HIC2: variants seen among roughly 807,000 people sequenced by gnomAD.
HIC2 encodes HIC ZBTB transcriptional repressor 2.
In HIC2, 2 loss-of-function variants were observed where a neutral mutation model predicts 39.5. The observed-to-expected ratio is 0.05, with a 90% CI of 0.02 to 0.16. HIC2 has a LOEUF of 0.16. Ranked by LOEUF, HIC2 falls within the 10% of genes least tolerant of loss-of-function variation. HIC2 has a pLI of 1.00. For synonymous variants in HIC2, 399 were observed against 368.8 expected (o/e 1.08, Z -0.94); for missense variants, 713 against 863.5 (o/e 0.83, Z 2.18).
chr22:21,444,331 T>C (rs1477315171), intron 2 of HIC2, among the ~76,000 whole-genome samples: 6 of 152,116 alleles, frequency 3.9e-5, no homozygotes, highest in Admixed American at 2.0e-4. Context: ...CCGCCCAGAG[T>C]GCGAGGCAGC....
rs775412555 is a variant in HIC2, at chr22:21,445,439, C to T, written c.544C>T (p.Arg182Cys). The change falls in exon 3 of 3, where the codon CGC becomes TGC. Residue 182 changes from arginine (R) to cysteine (C), a missense_variant. Transcript: ENST00000407464. Reference sequence around the variant, plus strand: ...TCGGTATCAGGGGCTCGTGGATGGGCGCAAGGGGGCCCACGCCCCCCAGGA... The same window carrying T: ...TCGGTATCAGGGGCTCGTGGATGGGTGCAAGGGGGCCCACGCCCCCCAGGA... ...QARYQGLVDG[R>C]KGAHAPQELP... 19 of 1,530,956 alleles carry T rather than the reference C, an allele frequency of 1.2e-5. No homozygotes were observed. The East Asian group carries it at 1.6e-4, about 13-fold the overall frequency. 94.8% of individuals were successfully genotyped at this position (1,530,956 alleles called of 1,614,324 possible).
At position 21,449,107 on chromosome 22, in the gene HIC2, A is replaced by G. The variant is rs1924024836; in HGVS notation, c.*2364A>G. ...GACATAGTATTGTATCCACCTTAGTATTGTATCGAGCCTTTTCTGTGTTTT... is the reference window on the plus strand; with the variant it reads ...GACATAGTATTGTATCCACCTTAGTGTTGTATCGAGCCTTTTCTGTGTTTT... On this transcript the variant is annotated 3_prime_UTR_variant, in exon 3 of 3. Transcript: ENST00000407464. 6.6e-6 allele frequency: 1 copy of G among 152,582 alleles called. No individual in the cohort carries two copies. The highest frequency in any genetic ancestry group is 1.5e-5 in the Non-Finnish European group (1 of 68,034). The allele number at this position is 152,582 out of a possible 1,614,324, so 9.5% of individuals were successfully genotyped here. A position where few individuals can be genotyped will look rare whatever the true frequency, so the allele number is the denominator to read the frequency against.
chr22:21,446,644 C>T lies in HIC2; in HGVS notation c.1749C>T (p.His583=). The T allele has an allele frequency of 6.2e-7, 1 of 1,613,896 alleles. No individual in the cohort carries two copies. The highest frequency in any genetic ancestry group is 8.5e-7 in the Non-Finnish European group (1 of 1,180,022). The change falls in exon 3 of 3, where the codon CAC becomes CAT. Residue 583 remains histidine (H), a synonymous_variant. Transcript: ENST00000407464. ...GCCTCACGGAGCACATGCGTGTGCA[C>T]TCGGGCGAGAAACCTTACGAGTGCC... ...QYRLTEHMRV[H]SGEKPYECQL...
In HIC2 at chr22:21,446,524, G is replaced by A. The variant is rs41282575; in HGVS notation, c.1629G>A (p.Thr543=). Residue 543 remains threonine, a synonymous_variant, in exon 3 of 3, where the codon ACG becomes ACA. Transcript: ENST00000407464. ...GCAACATCTGTGGCAAAATGTTCACGCAGCGCGGCACCATGACGCGTCACA... is the reference window on the plus strand; with the variant it reads ...GCAACATCTGTGGCAAAATGTTCACACAGCGCGGCACCATGACGCGTCACA... The part of the protein sequence containing the change: ...FPCNICGKMF[T]QRGTMTRHMR... 143 of 1,612,826 alleles carry A rather than the reference G, an allele frequency of 8.9e-5. No homozygotes were observed. The African/African-American group carries it at 1.2e-3, about 14-fold the overall frequency.
chr22:21,438,294 C>T (rs1923474557), intron 1 of HIC2, among the ~76,000 whole-genome samples: 1 of 151,136 alleles, frequency 6.6e-6, no homozygotes, highest in Non-Finnish European at 1.5e-5. Context: ...GGAGGCCCAG[C>T]ACCTGGAGCA....
At chr22:21,436,360 A>G (rs2148336791) in intron 1 of HIC2, among the ~76,000 whole-genome samples, 1 of 152,378 alleles carries the variant, frequency 6.6e-6, no homozygotes, top group South Asian at 2.1e-4. Context: ...CGGACCATGC[A>G]GGGCTTGGCC....
intron 1 of HIC2, among the ~76,000 whole-genome samples, chr22:21,417,927 AGCTGCGCTGCC>A (rs1922945208): frequency 1.3e-5 from 2 of 148,294 alleles, no homozygotes; most frequent in African/African-American, 2.4e-5. Context: ...GCGTCGGGCG[AGCTGCGCTGCC>A]TGACAGGCGG....
At chr22:21,426,629 C>T (rs1309825105) in intron 1 of HIC2, among the ~76,000 whole-genome samples, 124 of 65,822 alleles carry the variant, frequency 1.9e-3, no homozygotes, top group African/African-American at 7.2e-3. Flanking sequence ...CCACCACACC[C>T]GGCTAATTTT....
In HIC2 at chr22:21,449,047, G is replaced by A. The variant is rs771677865; in HGVS notation, c.*2304G>A. The A allele has an allele frequency of 6.5e-6, 1 of 152,720 alleles. No individual in the cohort carries two copies. The highest frequency in any genetic ancestry group is 1.5e-5 in the Non-Finnish European group (1 of 68,052). 9.5% of individuals were successfully genotyped at this position (152,720 alleles called of 1,614,324 possible). On this transcript the variant is annotated 3_prime_UTR_variant, in exon 3 of 3. Coordinates refer to ENST00000407464, the MANE Select transcript of HIC2 (RefSeq NM_015094.3). ...ATTCCTTTGCAGAACTTCAGGGACT[G>A]GGAGCAGAGGCCCCTCACTCAACGA... is the stretch of plus-strand genomic sequence containing the variant.
chr22:21,421,658 C>T (rs131615), intron 1 of HIC2, among the ~76,000 whole-genome samples: 19 of 98,148 alleles, frequency 1.9e-4, no homozygotes, highest in South Asian at 1.2e-3. Context: ...CAGCTAGGTG[C>T]CTCTTACCTA....
In HIC2 at chr22:21,450,493, C is replaced by G. The variant is rs536760759; in HGVS notation, c.*3750C>G. The G allele has an allele frequency of 1.5e-3, 225 of 152,976 alleles. 1 individual carries two copies. Among genetic ancestry groups the G allele is most frequent in the Non-Finnish European group, 3.0e-3 (205 of 68,114 alleles). 9.5% of individuals were successfully genotyped at this position (152,976 alleles called of 1,614,324 possible). A position where few individuals can be genotyped will look rare whatever the true frequency, so the allele number is the denominator to read the frequency against. ...GGCTGGGCCGCTGGGCAGGCTGACC[C>G]CCTGCCCTCCTGCGGCCATCCTGAG... On this transcript the variant is annotated 3_prime_UTR_variant, in exon 3 of 3. Coordinates refer to ENST00000407464, the MANE Select transcript of HIC2 (RefSeq NM_015094.3).
Position 21,446,139 on chromosome 22 carries a change from AG to A in HIC2, c.1250del (p.Gly417AlafsTer113). ...ASEDSAQSGS[E>X]GGSGHASAHY... ...GAAGACAGTGCGCAGAGCGGGAGCG[AG>A]GGGGGCAGCGGCCATGCCAGCGCCC... is the stretch of plus-strand genomic sequence containing the variant. On this transcript the variant is annotated frameshift_variant, in exon 3 of 3. Transcript: ENST00000407464. LOFTEE classifies it high-confidence loss of function. 1 of 1,608,642 alleles carries A rather than the reference AG, an allele frequency of 6.2e-7. No individual in the cohort carries two copies.
intron 1 of HIC2, among the ~76,000 whole-genome samples, chr22:21,438,116 A>G (rs958140950): frequency 6.6e-6 from 1 of 151,794 alleles, no homozygotes; most frequent in Non-Finnish European, 1.5e-5. Context: ...CCTGGTCTTC[A>G]CCCTTCTCCC....
chr22:21,446,516 A>C lies in HIC2; in HGVS notation c.1621A>C (p.Met541Leu). The change falls in exon 3 of 3, where the codon ATG becomes CTG. Residue 541 changes from methionine (M) to leucine (L), a missense_variant. Coordinates refer to ENST00000407464, the MANE Select transcript of HIC2 (RefSeq NM_015094.3). Reference sequence around the variant, plus strand: ...CTTCCCCTGCAACATCTGTGGCAAAATGTTCACGCAGCGCGGCACCATGAC... The same window carrying C: ...CTTCCCCTGCAACATCTGTGGCAAACTGTTCACGCAGCGCGGCACCATGAC... The part of the protein sequence containing the change: ...RPFPCNICGK[M>L]FTQRGTMTRH... The C allele has an allele frequency of 6.2e-7, 1 of 1,612,888 alleles. No homozygotes were observed. Among genetic ancestry groups the C allele is most frequent in the Non-Finnish European group, 8.5e-7 (1 of 1,180,002 alleles).
intron 1 of HIC2, among the ~76,000 whole-genome samples, chr22:21,418,084 C>T (rs1373815848): frequency 7.3e-6 from 1 of 137,344 alleles, no homozygotes; most frequent in Non-Finnish European, 1.6e-5. Flanking sequence ...GAAGACTGGC[C>T]ACGGCAGGGG....
At chr22:21,443,172 G>T (rs943090472) in intron 2 of HIC2, among the ~76,000 whole-genome samples, 2 of 152,200 alleles carry the variant, frequency 1.3e-5, no homozygotes, top group South Asian at 2.1e-4. Flanking sequence ...GGCAGGGAGT[G>T]GAGGAGGATT....
intron 2 of HIC2, among the ~76,000 whole-genome samples, chr22:21,444,365 G>A (rs541639867): frequency 4.6e-5 from 7 of 152,370 alleles, no homozygotes; most frequent in African/African-American, 1.7e-4. Flanking sequence ...GAGAGGCAGG[G>A]CTGGCTGCAG....
rs368038633 is a variant in HIC2 at position 21,445,522 on chromosome 22, T to C, written c.627T>C (p.Asp209=). The change falls in exon 3 of 3, where the codon GAT becomes GAC. Residue 209 remains aspartate, a synonymous_variant. Coordinates refer to ENST00000407464, the MANE Select transcript of HIC2 (RefSeq NM_015094.3). The part of the protein sequence containing the change: ...DELFLGGSNQ[D]SVQGLGRAVC... ...TCTTTCTTGGTGGCTCTAACCAGGA[T>C]AGCGTGCAAGGTCTGGGCCGGGCTG... The C allele has an allele frequency of 7.7e-5, 123 of 1,600,426 alleles. No individual in the cohort carries two copies. Among genetic ancestry groups the C allele is most frequent in the Non-Finnish European group, 1.0e-4 (118 of 1,175,286 alleles).
intron 2 of HIC2, among the ~76,000 whole-genome samples, chr22:21,443,570 G>T (rs994165928): frequency 2.6e-5 from 4 of 152,160 alleles, no homozygotes; most frequent in Non-Finnish European, 4.4e-5. Flanking sequence ...ACCCTGAACT[G>T]CGAGGCTCAG....
Sources: allele counts gnomAD v4.1 joint callset (sites outside exome capture counted in the v4.1 genomes callset), GRCh38; gene constraint gnomAD v4.1.1; transcripts MANE v1.5; gene names NCBI Gene and HGNC (gene_info 2026-07-23, HGNC 2026-07-21).